The following TAB2 variants were observed in gnomAD, a reference collection of about 807,000 sequenced individuals.
TAB2 encodes the protein TGF-beta activated kinase 1 (MAP3K7) binding protein 2, also known as TGF-beta-activated kinase 1 and MAP3K7-binding protein 2.
Under a neutral mutation model 65.0 loss-of-function variants are expected in TAB2, and 3 were observed. The ratio of observed to expected loss-of-function variants is 0.05; its 90% CI spans 0.02 to 0.12. The LOEUF is 0.12. Ranked by LOEUF, TAB2 falls within the 10% of genes least tolerant of loss-of-function variation. TAB2 has a pLI of 1.00. For missense variants in TAB2, 623 were observed against 840.3 expected, an observed-to-expected ratio of 0.74 and a Z score of 3.20; for synonymous variants, 298 against 285.1, an observed-to-expected ratio of 1.05 and a Z score of -0.46.
In TAB2 at chr6:149,289,141, G is replaced by A. The variant is rs114179922; in HGVS notation, c.-121+70365G>A. Among the ~76,000 whole-genome samples, 772 of 152,172 alleles carry A rather than the reference G, an allele frequency of 5.1e-3. 7 individuals are homozygous for A. The highest frequency in any genetic ancestry group is 0.018 in the African/African-American group (745 of 41,512). ...CCCAAAGTCCTGAGATTACAGGTGTGAGCCACCATGCCAGGTCAACGTGAT... is the reference window on the plus strand; with the variant it reads ...CCCAAAGTCCTGAGATTACAGGTGTAAGCCACCATGCCAGGTCAACGTGAT... On this transcript the variant is annotated intron_variant, in intron 1 of 1. Coordinates refer to the TAB2 transcript ENST00000606202.
rs1179761663 is a variant in TAB2, at chr6:149,317,863, T to A, written c.-242T>A. On this transcript the variant is annotated 5_prime_UTR_variant, in exon 1 of 7. Transcript: ENST00000637181. This position sits in a 1 kb window ranked among gnomAD's most constrained non-coding sequence, Gnocchi z 4.7. The stretch of plus-strand genomic sequence containing the variant: ...GGCTGAGCGGGGAGGGAGGGAGGGC[T>A]GAGGTGTCCCCCCTGCCGGGTGGAA... The A allele has an allele frequency of 1.8e-5, 3 of 163,990 alleles. No individual in the cohort carries two copies. Among genetic ancestry groups the A allele is most frequent in the Non-Finnish European group, 2.6e-5 (2 of 76,918 alleles). 10.2% of individuals were successfully genotyped at this position (163,990 alleles called of 1,614,324 possible). A position where few individuals can be genotyped will look rare whatever the true frequency, so the allele number is the denominator to read the frequency against.
chr6:149,372,297 C>T (rs1300373405), intron 2 of TAB2: 1 of 152,074 alleles, frequency 6.6e-6, no homozygotes, highest in Non-Finnish European at 1.5e-5. Context: ...TAAATATTTA[C>T]ACATCCATGT....
intron 1 of TAB2, among the ~76,000 whole-genome samples, chr6:149,289,394 T>TA (rs35631773): frequency 0.32 from 46,275 of 146,572 alleles, 8,277 homozygotes; most frequent in African/African-American, 0.51. Context: ...ACCCTGTCTC[T>TA]AAAAAAAAAA....
At chr6:149,316,385 T>G (rs1434471555), upstream of TAB2, among the ~76,000 whole-genome samples, 9 of 152,186 alleles carry the variant, frequency 5.9e-5, no homozygotes, top group Admixed American at 5.9e-4. Flanking sequence ...GCTCTACTAT[T>G]TAAAAGATGG....
intron 1 of TAB2, among the ~76,000 whole-genome samples, chr6:149,346,247 TGCACAC>T (rs1780294686): frequency 6.6e-6 from 1 of 152,078 alleles, no homozygotes. Flanking sequence ...AGTGCTATTG[TGCACAC>T]GCCCACGCAT....
At chr6:149,376,428 A>G (rs9498338) in intron 2 of TAB2, among the ~76,000 whole-genome samples, 35,892 of 152,134 alleles carry the variant, frequency 0.24, 4,421 homozygotes, top group Non-Finnish European at 0.26. Context: ...AACATTTTCA[A>G]TACAAATATT....
intron 1 of TAB2, among the ~76,000 whole-genome samples, chr6:149,341,209 T>C (rs1424199224): frequency 6.6e-6 from 1 of 152,170 alleles, no homozygotes; most frequent in Non-Finnish European, 1.5e-5. Context: ...CTACTAATTC[T>C]TTTTATATCC....
At chr6:149,344,734 T>A (rs1780238467) in intron 1 of TAB2, among the ~76,000 whole-genome samples, 1 of 152,184 alleles carries the variant, frequency 6.6e-6, no homozygotes, top group South Asian at 2.1e-4. Flanking sequence ...GAGGGTTGAA[T>A]TGATGAAGTT....
chr6:149,235,677 C>T (rs1486976778), intron 1 of TAB2, among the ~76,000 whole-genome samples: 1 of 152,236 alleles, frequency 6.6e-6, no homozygotes, highest in Non-Finnish European at 1.5e-5. Flanking sequence ...TCTTGACCAT[C>T]TTGCTTAGCA....
chr6:149,256,951 A>G (rs1778049990), intron 1 of TAB2, among the ~76,000 whole-genome samples: 1 of 152,236 alleles, frequency 6.6e-6, no homozygotes, highest in Non-Finnish European at 1.5e-5. Context: ...GTCAGTTTAA[A>G]TTAATTTGGA....
Position 149,378,363 on chromosome 6 carries a change from A to G in TAB2, c.448A>G (p.Asn150Asp). ...FGMSSSSGAS[N>D]SAPHLGFHLG... ...AATGTCCAGTTCCTCTGGTGCTTCAAATTCAGCACCACATCTTGGATTTCA... is the reference window on the plus strand; with the variant it reads ...AATGTCCAGTTCCTCTGGTGCTTCAGATTCAGCACCACATCTTGGATTTCA... The change falls in exon 3 of 7, where the codon AAT becomes GAT. Residue 150 changes from asparagine (N) to aspartate (D), a missense_variant. By Grantham distance (23) the Asn-to-Asp change is conservative. This residue lies in a region of TAB2 where 550 missense variants were observed against 665.7 expected (regional missense o/e 0.83). Transcript: ENST00000637181. The G allele has an allele frequency of 6.2e-7, 1 of 1,614,230 alleles. No individual in the cohort carries two copies. The highest frequency in any genetic ancestry group is 8.5e-7 in the Non-Finnish European group (1 of 1,180,042).
chr6:149,305,583 GAA>G (rs943464338), intron 1 of TAB2, among the ~76,000 whole-genome samples: 2 of 150,890 alleles, frequency 1.3e-5, no homozygotes, highest in Non-Finnish European at 3.0e-5. Context: ...CACATGGAAA[GAA>G]AAGTAGTTCA....
At chr6:149,283,277 A>C (rs542635947) in intron 1 of TAB2, among the ~76,000 whole-genome samples, 1 of 152,364 alleles carries the variant, frequency 6.6e-6, no homozygotes, top group East Asian at 1.9e-4. Context: ...GAAAAGGAAC[A>C]CAAATACATT....
chr6:149,260,487 C>T (rs896411358), intron 1 of TAB2, among the ~76,000 whole-genome samples: 1 of 152,142 alleles, frequency 6.6e-6, no homozygotes, highest in Non-Finnish European at 1.5e-5. Flanking sequence ...TTCATGTCTC[C>T]GGAGGAGAGC....
At chr6:149,258,005 A>G (rs566583570) in intron 1 of TAB2, among the ~76,000 whole-genome samples, 232 of 152,332 alleles carry the variant, frequency 1.5e-3, no homozygotes, top group African/African-American at 5.4e-3. Flanking sequence ...CTCCCCATCC[A>G]GTCCACGCTA....
In TAB2 at chr6:149,245,468, C is replaced by T. The variant is rs988330198; in HGVS notation, c.-121+26692C>T. 5 of 151,616 alleles carry T rather than the reference C, an allele frequency of 3.3e-5. No individual in the cohort carries two copies. In the East Asian group the frequency reaches 9.7e-4, roughly 29 times the overall value. The allele number at this position is 151,616 out of a possible 1,614,324, so 9.4% of individuals were successfully genotyped here. A position where few individuals can be genotyped will look rare whatever the true frequency, so the allele number is the denominator to read the frequency against. Reference sequence around the variant, plus strand: ...GATGTAAAATTACCATGACATTTTTCCTTGTTTCTTCTTCCTTTTGATATA... The same window carrying T: ...GATGTAAAATTACCATGACATTTTTTCTTGTTTCTTCTTCCTTTTGATATA... On this transcript the variant is annotated intron_variant, in intron 1 of 1. Transcript: ENST00000606202.
chr6:149,403,921 T>C (rs1782572293), intron 6 of TAB2, among the ~76,000 whole-genome samples: 1 of 152,034 alleles, frequency 6.6e-6, no homozygotes, highest in Admixed American at 6.6e-5. Context: ...CTTCTAACAC[T>C]GGGGATTACA....
chr6:149,377,264 G>C (rs957509005), intron 2 of TAB2, among the ~76,000 whole-genome samples: 21 of 151,372 alleles, frequency 1.4e-4, no homozygotes, highest in Non-Finnish European at 2.7e-4. Context: ...GTAGAGACGG[G>C]ATTTCACCGT....
chr6:149,402,543 C>A (rs1440624504), intron 6 of TAB2, among the ~76,000 whole-genome samples: 3 of 148,744 alleles, frequency 2.0e-5, no homozygotes, highest in Non-Finnish European at 4.5e-5. Flanking sequence ...TGAGTGAATT[C>A]TGTCAAACAC....
Sources: allele counts gnomAD v4.1 joint callset (sites outside exome capture counted in the v4.1 genomes callset), GRCh38; gene constraint gnomAD v4.1.1; regional missense constraint gnomAD v4.1.1; non-coding constraint Gnocchi (gnomAD v3.1); transcripts MANE v1.5; gene names NCBI Gene and HGNC (gene_info 2026-07-23, HGNC 2026-07-21).